KDM5B: variants seen among roughly 807,000 people sequenced by gnomAD.
The protein encoded by KDM5B is lysine demethylase 5B.
A neutral mutation model predicts 193.4 loss-of-function variants in KDM5B; 144 were observed. The observed-to-expected ratio is 0.74, with a 90% CI of 0.65 to 0.86. The LOEUF (loss-of-function observed/expected upper bound fraction) is 0.86, where lower values mean the gene tolerates loss of function less well. Among genes scored for constraint, KDM5B ranks in the 40% least tolerant of loss-of-function variants. The pLI, the probability that KDM5B is intolerant of heterozygous loss-of-function variation, is 0.00. For synonymous variants in KDM5B, 668 were observed against 682.6 expected (o/e 0.98, Z 0.33); for missense variants, 1,833 against 1,886.9 (o/e 0.97, Z 0.53).
At chr1:202,805,018 G>A (rs1265344607) in intron 1 of KDM5B, among the ~76,000 whole-genome samples, 2 of 152,100 alleles carry the variant, frequency 1.3e-5, no homozygotes, top group African/African-American at 4.8e-5. Flanking sequence ...CTATTTTTCT[G>A]CCTAATAGTT....
At chr1:202,756,220 G>C in intron 10 of KDM5B, 138 bp downstream of exon 10, 1 of 723,474 alleles carries the variant, frequency 1.4e-6, no homozygotes, top group South Asian at 2.0e-5. Flanking sequence ...GAATTCTTCT[G>C]TAGGCTCTTT....
chr1:202,728,744 T>TTCAA lies in KDM5B; in HGVS notation c.*288_*291dup, dbSNP rs1654761136. 3.3e-6 allele frequency: 1 copy of TTCAA among 304,280 alleles called. No homozygotes were observed. The highest frequency in any genetic ancestry group is 6.2e-6 in the Non-Finnish European group (1 of 160,600). 18.8% of individuals were successfully genotyped at this position (304,280 alleles called of 1,614,324 possible). Reference sequence around the variant, plus strand: ...ATGCTGTACATGAAAAGGTGCAAGCTTCAATGCCTTCCAAATTGGTGGGAA... The same window carrying TTCAA: ...ATGCTGTACATGAAAAGGTGCAAGCTTCAATCAATGCCTTCCAAATTGGTGGGAA... On this transcript the variant is annotated 3_prime_UTR_variant, in exon 27 of 27. Coordinates refer to ENST00000367265, the MANE Select transcript of KDM5B (RefSeq NM_006618.5).
At position 202,746,314 on chromosome 1, in the gene KDM5B, C is replaced by T. The variant is rs760532266; in HGVS notation, c.2026G>A (p.Asp676Asn). 3 of 1,603,946 alleles carry T rather than the reference C, an allele frequency of 1.9e-6. No homozygotes were observed. The South Asian group carries it at 3.3e-5, about 18-fold the overall frequency. ...RETVRKLGVIDSERMDFELLP... is the reference protein window; with the variant it reads ...RETVRKLGVINSERMDFELLP... ...AGCTCAAAATCCATTCTTTCCGAAT[C>T]AATCACTCCCTAGAATAAAGTATAC... Residue 676 changes from aspartate (D) to asparagine (N), a missense_variant, in exon 15 of 27, where the codon GAT becomes AAT. Coordinates refer to ENST00000367265, the MANE Select transcript of KDM5B (RefSeq NM_006618.5).
chr1:202,760,209 G>C (rs1020691458), intron 8 of KDM5B, among the ~76,000 whole-genome samples: 8 of 21,574 alleles, frequency 3.7e-4, no homozygotes, highest in Non-Finnish European at 1.5e-3. Context: ...AGCTACGTGG[G>C]GGGGGCTGAG....
intron 8 of KDM5B, among the ~76,000 whole-genome samples, chr1:202,759,770 G>A (rs565273579): frequency 6.6e-6 from 1 of 152,096 alleles, no homozygotes; most frequent in Non-Finnish European, 1.5e-5. Context: ...GACATTAACA[G>A]TGGTTATATA....
At chr1:202,746,345 A>C (rs988881744) in intron 14 of KDM5B, 22 bp from the exon 15 acceptor site, 2 of 1,537,886 alleles carry the variant, frequency 1.3e-6, no homozygotes, top group African/African-American at 2.7e-5. Context: ...TATACTTTAG[A>C]GAGACCTCCA....
rs1162040495 is a variant in KDM5B at position 202,753,668 on chromosome 1, TTTTTTTG to T, written c.1539-608_1539-602del. Among the ~76,000 whole-genome samples the T allele has an allele frequency of 9.0e-5, 10 of 111,508 alleles. No homozygotes were observed. In the East Asian group the frequency reaches 1.9e-3, roughly 22 times the overall value. 73.2% of individuals were successfully genotyped at this position (111,508 alleles called of 152,430 possible). ...AATTTCTCTTTTGTTGTTGTTGTTTTTTTTTTGTTTTTTTTTTTTGAGACTGAGTCTT... is the reference window on the plus strand; with the variant it reads ...AATTTCTCTTTTGTTGTTGTTGTTTTTTTTTTTTTTTTGAGACTGAGTCTT... On this transcript the variant is annotated intron_variant, in intron 11 of 26. Transcript: ENST00000367265.
chr1:202,760,347 A>G, intron 8 of KDM5B, 68 bp downstream of exon 8: 1 of 1,059,948 alleles, frequency 9.4e-7, no homozygotes, highest in Non-Finnish European at 1.4e-6. Context: ...ATAAAAAATA[A>G]AACTCAAAGG....
chr1:202,788,757 G>A (rs1057225636), intron 1 of KDM5B, among the ~76,000 whole-genome samples: 8 of 152,154 alleles, frequency 5.3e-5, no homozygotes, highest in African/African-American at 1.9e-4. Context: ...ATCAAGCCAT[G>A]CTGTAATCAA....
At chr1:202,803,153 T>TA (rs981632071) in intron 1 of KDM5B, among the ~76,000 whole-genome samples, 40 of 147,722 alleles carry the variant, frequency 2.7e-4, no homozygotes, top group East Asian at 5.9e-4. Context: ...AGAGTGAGAT[T>TA]AAAAAAAAAA....
chr1:202,794,160 A>T (rs1657747665), intron 1 of KDM5B, among the ~76,000 whole-genome samples: 1 of 152,138 alleles, frequency 6.6e-6, no homozygotes, highest in African/African-American at 2.4e-5. Flanking sequence ...AAGGGCTCCT[A>T]CCTCCCATCT....
At chr1:202,785,612 T>C (rs142234571) in intron 1 of KDM5B, among the ~76,000 whole-genome samples, 206 of 152,114 alleles carry the variant, frequency 1.4e-3, no homozygotes, top group African/African-American at 2.9e-3. Context: ...AAGTAAATGG[T>C]CAAAAAATAT....
At chr1:202,760,008 G>A (rs917172353) in intron 8 of KDM5B, among the ~76,000 whole-genome samples, 2 of 152,138 alleles carry the variant, frequency 1.3e-5, no homozygotes, top group African/African-American at 4.8e-5. Flanking sequence ...ACTGTCGACT[G>A]CCAAATCTAA....
intron 1 of KDM5B, chr1:202,806,512 T>C (rs1237821961): frequency 6.6e-6 from 1 of 152,236 alleles, no homozygotes; most frequent in Non-Finnish European, 1.5e-5. Context: ...GAATCAACCT[T>C]GCCCACTTCG....
chr1:202,775,035 T>A (rs1040510004), intron 2 of KDM5B, among the ~76,000 whole-genome samples: 4 of 147,458 alleles, frequency 2.7e-5, no homozygotes, highest in Non-Finnish European at 6.0e-5. Context: ...AGGTCGGGAG[T>A]TCGAGACCAG....
Position 202,795,789 on chromosome 1 carries a change from C to CT in KDM5B, c.204+12312dup, listed in dbSNP as rs529673570. ...ATGATTACATAGGGGTCCTAATTAA[C>CT]TTTTTTTTTTTAACATAAGATTGTC... On this transcript the variant is annotated intron_variant, in intron 1 of 26. Coordinates refer to ENST00000367265, the MANE Select transcript of KDM5B (RefSeq NM_006618.5). Among the ~76,000 whole-genome samples, 329 of 146,232 alleles carry CT rather than the reference C, an allele frequency of 2.2e-3. 1 individual carries two copies. Among genetic ancestry groups the CT allele is most frequent in the African/African-American group, 5.2e-3 (208 of 40,076 alleles).
At chr1:202,798,506 ACTTTTAAAACATC>A (rs1489775738) in intron 1 of KDM5B, among the ~76,000 whole-genome samples, 2 of 151,278 alleles carry the variant, frequency 1.3e-5, no homozygotes, top group Non-Finnish European at 2.9e-5. Context: ...TTCAAGTTTC[ACTTTTAAAACATC>A]CCTTCATGGC....
chr1:202,731,132 G>T, intron 24 of KDM5B, 69 bp from the exon 25 acceptor site: 1 of 1,302,872 alleles, frequency 7.7e-7, no homozygotes, highest in Non-Finnish European at 1.1e-6. Context: ...TTGGGTTTAT[G>T]AGACAAATAG....
intron 16 of KDM5B, among the ~76,000 whole-genome samples, chr1:202,745,571 T>C (rs1364419028): frequency 2.6e-5 from 4 of 152,210 alleles, no homozygotes; most frequent in Non-Finnish European, 5.9e-5. Context: ...ATGTGAAATT[T>C]TTATTTCTGA....
Sources: allele counts gnomAD v4.1 joint callset (sites outside exome capture counted in the v4.1 genomes callset), GRCh38; gene constraint gnomAD v4.1.1; transcripts MANE v1.5; gene names NCBI Gene and HGNC (gene_info 2026-07-23, HGNC 2026-07-21).